Variants in LRRC4C observed in about 807,000 individuals in gnomAD.
LRRC4C encodes leucine rich repeat containing 4C.
LRRC4C carries 5 observed loss-of-function variants against 33.6 expected under a neutral mutation model. The ratio of observed to expected loss-of-function variants is 0.15; its 90% CI spans 0.08 to 0.31. LRRC4C has a LOEUF of 0.31. LRRC4C is among the 10% of genes least tolerant of loss of function. The pLI, the probability that LRRC4C is intolerant of heterozygous loss-of-function variation, is 1.00. For missense variants in LRRC4C, 560 were observed against 796.7 expected (o/e 0.70, Z 3.58); for synonymous variants, 329 against 302.0 (o/e 1.09, Z -0.93).
At chr11:40,559,741 G>A (rs1957473731) in intron 3 of LRRC4C, among the ~76,000 whole-genome samples, 1 of 151,998 alleles carries the variant, frequency 6.6e-6, no homozygotes, top group South Asian at 2.1e-4. Flanking sequence ...GACTTTTAAT[G>A]GTATGACTAC....
intron 1 of LRRC4C, among the ~76,000 whole-genome samples, chr11:40,988,176 C>A (rs895069744): frequency 6.6e-6 from 1 of 152,150 alleles, no homozygotes; most frequent in South Asian, 2.1e-4. Flanking sequence ...GGCTCCCCAG[C>A]AACAATTATG....
intron 2 of LRRC4C, among the ~76,000 whole-genome samples, chr11:40,787,533 A>T (rs183083183): frequency 6.6e-6 from 1 of 152,288 alleles, no homozygotes; most frequent in East Asian, 1.9e-4. Flanking sequence ...AGCTCTTCAA[A>T]ATCTTTGAAA....
chr11:41,157,729 T>C (rs892610879), intron 1 of LRRC4C, among the ~76,000 whole-genome samples: 12 of 152,136 alleles, frequency 7.9e-5, no homozygotes, highest in African/African-American at 2.9e-4. Flanking sequence ...GTATTAGATA[T>C]CATTTTTATT....
intron 3 of LRRC4C, among the ~76,000 whole-genome samples, chr11:40,564,036 G>C (rs1376146139): frequency 2.6e-5 from 4 of 152,194 alleles, no homozygotes; most frequent in African/African-American, 9.7e-5. Flanking sequence ...GAAGCTGCAG[G>C]AATTTGCTAA....
intron 2 of LRRC4C, among the ~76,000 whole-genome samples, chr11:40,829,262 C>T (rs1022698150): frequency 2.0e-5 from 3 of 151,938 alleles, no homozygotes; most frequent in African/African-American, 7.2e-5. Context: ...TGAAAATATG[C>T]TTTTGAAAAC....
intron 1 of LRRC4C, among the ~76,000 whole-genome samples, chr11:41,005,815 C>G (rs991067645): frequency 6.6e-6 from 1 of 152,108 alleles, no homozygotes; most frequent in Non-Finnish European, 1.5e-5. Flanking sequence ...AAATAAATTG[C>G]CCAGTCTCAA....
intron 3 of LRRC4C, among the ~76,000 whole-genome samples, chr11:40,367,618 C>A (rs1193896545): frequency 6.6e-6 from 1 of 152,054 alleles, no homozygotes; most frequent in African/African-American, 2.4e-5. Flanking sequence ...ATATAGAATT[C>A]TTTGGGTGTC....
At chr11:40,775,394 A>C (rs551063991) in intron 2 of LRRC4C, among the ~76,000 whole-genome samples, 2 of 145,782 alleles carry the variant, frequency 1.4e-5, no homozygotes, top group East Asian at 2.0e-4. Context: ...TGCCTGGATG[A>C]CAAGGCGAGA....
At chr11:40,870,021 A>G (rs550220583) in intron 2 of LRRC4C, among the ~76,000 whole-genome samples, 1 of 152,060 alleles carries the variant, frequency 6.6e-6, no homozygotes, top group Non-Finnish European at 1.5e-5. Context: ...GTGCCGTGTG[A>G]CTCAGATACT....
At chr11:40,791,829 A>G (rs926791854) in intron 2 of LRRC4C, among the ~76,000 whole-genome samples, 7 of 152,164 alleles carry the variant, frequency 4.6e-5, no homozygotes, top group African/African-American at 1.7e-4. Flanking sequence ...ACATTAAACT[A>G]GTCTCTTATT....
At position 41,165,920 on chromosome 11, in the gene LRRC4C, A is replaced by T. The variant is rs567136639; in HGVS notation, c.-495-232197T>A. On this transcript the variant is annotated intron_variant, in intron 1 of 6. Coordinates refer to ENST00000528697, the MANE Select transcript of LRRC4C (RefSeq NM_001258419.2). ...GTGGTGGGTGCCTGTAATCCCAGCTACTCAGGAGGCTGCAGCAGGAGAATC... is the reference window on the plus strand; with the variant it reads ...GTGGTGGGTGCCTGTAATCCCAGCTTCTCAGGAGGCTGCAGCAGGAGAATC... Among the ~76,000 whole-genome samples, 419 of 151,968 alleles carry T rather than the reference A, an allele frequency of 2.8e-3. 3 individuals carry two copies. The highest frequency in any genetic ancestry group is 0.026 in the South Asian group (127 of 4,798).
chr11:40,235,309 A>T (rs1003739493), intron 5 of LRRC4C, among the ~76,000 whole-genome samples: 4 of 152,206 alleles, frequency 2.6e-5, no homozygotes, highest in African/African-American at 9.6e-5. Flanking sequence ...TGCCCAATTA[A>T]TGTTTTTGAT....
chr11:40,753,604 G>A (rs553727060), intron 2 of LRRC4C, among the ~76,000 whole-genome samples: 10 of 149,218 alleles, frequency 6.7e-5, no homozygotes, highest in South Asian at 2.1e-4. Flanking sequence ...GCAGTGGTGC[G>A]ATCTGGGCTC....
chr11:40,156,358 C>T (rs936893471), intron 5 of LRRC4C, among the ~76,000 whole-genome samples: 8 of 152,022 alleles, frequency 5.3e-5, no homozygotes, highest in African/African-American at 1.7e-4. Context: ...AGCAATAAGA[C>T]AAGAGAAAGA....
At chr11:41,190,564 C>G (rs1260574445) in intron 1 of LRRC4C, among the ~76,000 whole-genome samples, 1 of 152,090 alleles carries the variant, frequency 6.6e-6, no homozygotes, top group African/African-American at 2.4e-5. Context: ...TTATCACGGT[C>G]AGAGAACTGT....
intron 3 of LRRC4C, among the ~76,000 whole-genome samples, chr11:40,383,025 T>C (rs1948954258): frequency 6.6e-6 from 1 of 151,994 alleles, no homozygotes; most frequent in South Asian, 2.1e-4. Context: ...ACCTCCCATT[T>C]CTCTCTCTCC....
chr11:40,251,500 T>C (rs2136182391), intron 4 of LRRC4C, among the ~76,000 whole-genome samples: 1 of 152,256 alleles, frequency 6.6e-6, no homozygotes, highest in Non-Finnish European at 1.5e-5. Flanking sequence ...ATTTCCTGAC[T>C]CTTCCCCCAG....
chr11:41,192,213 T>C (rs537802738), intron 1 of LRRC4C, among the ~76,000 whole-genome samples: 46 of 152,238 alleles, frequency 3.0e-4, no homozygotes, highest in African/African-American at 1.0e-3. Context: ...TGTTATTGGT[T>C]CATTAAGGTC....
intron 3 of LRRC4C, among the ~76,000 whole-genome samples, chr11:40,572,842 C>T (rs934593250): frequency 1.3e-5 from 2 of 152,130 alleles, no homozygotes; most frequent in African/African-American, 2.4e-5. Flanking sequence ...TATGCAAATG[C>T]ATTTGCTATT....
Sources: gnomAD v4.1 joint callset for allele counts (sites outside exome capture counted in the v4.1 genomes callset) on GRCh38, gnomAD v4.1.1 for gene constraint, MANE v1.5 for transcripts, NCBI Gene and HGNC (gene_info 2026-07-23, HGNC 2026-07-21) for gene names.